BCAS3: variants seen among roughly 807,000 people sequenced by gnomAD.
BCAS3 encodes the protein BCAS4/BCAS3 fusion.
A neutral mutation model predicts 116.1 loss-of-function variants in BCAS3; 53 were observed. The ratio of observed to expected loss-of-function variants is 0.46; its 90% CI spans 0.37 to 0.57. BCAS3 has a LOEUF of 0.57. Ranked by LOEUF, BCAS3 falls within the 20% of genes least tolerant of loss-of-function variation. The pLI, the probability that BCAS3 is intolerant of heterozygous loss-of-function variation, is 0.00. For missense variants in BCAS3, 917 were observed against 1,165.4 expected (o/e 0.79, Z 3.10); for synonymous variants, 391 against 408.2 (o/e 0.96, Z 0.51).
rs967566954 is a variant in BCAS3 at position 61,324,225 on chromosome 17, A to G, written c.2426-44102A>G. ...TGCTAAGCACTCGAGAAATGTTTCA[A>G]TCAGTGAGTGAATTAGAGGCGGGAG... On this transcript the variant is annotated intron_variant, in intron 22 of 23. Transcript: ENST00000407086. This position sits in a 1 kb window ranked among gnomAD's most constrained non-coding sequence, Gnocchi z 4.6. Among the ~76,000 whole-genome samples the G allele has an allele frequency of 1.3e-5, 2 of 152,206 alleles. No individual in the cohort carries two copies. Among genetic ancestry groups the G allele is most frequent in the Non-Finnish European group, 2.9e-5 (2 of 68,028 alleles).
At chr17:60,925,489 A>G (rs893694431) in intron 13 of BCAS3, among the ~76,000 whole-genome samples, 15 of 152,222 alleles carry the variant, frequency 9.9e-5, no homozygotes, top group Non-Finnish European at 8.8e-5. Context: ...ATGGAGATTA[A>G]CAAGTACTCT....
chr17:61,272,971 T>C (rs921493335), intron 22 of BCAS3, among the ~76,000 whole-genome samples: 1 of 152,184 alleles, frequency 6.6e-6, no homozygotes, highest in Non-Finnish European at 1.5e-5. Context: ...CTTACTTCCT[T>C]GCCTTGGTAA....
At chr17:60,719,049 G>A (rs530812038) in intron 5 of BCAS3, among the ~76,000 whole-genome samples, 3 of 152,156 alleles carry the variant, frequency 2.0e-5, no homozygotes, top group Non-Finnish European at 2.9e-5. Context: ...GCGACAGAGC[G>A]AGGCTCTGTC....
rs940323542 is a variant in BCAS3 at position 61,136,448 on chromosome 17, A to G, written c.2425+51884A>G. On this transcript the variant is annotated intron_variant, in intron 22 of 23. Transcript: ENST00000407086. The surrounding 1 kb of genome is among the most constrained non-coding windows in gnomAD (Gnocchi z 4.4). ...TTCTTTGTGTGCAGCTGTTTTATGC[A>G]TCATATAGGATGTTTAGCAGAACCC... 6.6e-6 allele frequency among the ~76,000 whole-genome samples: 1 copy of G among 152,200 alleles called. No homozygotes were observed. Among genetic ancestry groups the G allele is most frequent in the Non-Finnish European group, 1.5e-5 (1 of 68,046 alleles).
At chr17:61,319,124 T>TA in intron 22 of BCAS3, among the ~76,000 whole-genome samples, 1 of 152,318 alleles carries the variant, frequency 6.6e-6, no homozygotes, top group East Asian at 1.9e-4. Context: ...AATGCACAGT[T>TA]ACTCGCAACT....
intron 3 of BCAS3, among the ~76,000 whole-genome samples, chr17:60,685,600 G>A (rs988291340): frequency 5.3e-5 from 8 of 151,772 alleles, no homozygotes; most frequent in Non-Finnish European, 7.4e-5. Flanking sequence ...CATCTTATTC[G>A]TCATGGGTTT....
In BCAS3 at chr17:61,193,839, G is replaced by A. The variant is rs567035901; in HGVS notation, c.2425+109275G>A. 9.4e-5 allele frequency among the ~76,000 whole-genome samples: 14 copies of A among 149,000 alleles called. No individual in the cohort carries two copies. In the East Asian group the frequency reaches 1.8e-3, roughly 20 times the overall value. ...TCTGCTTATAAAAAAAGTACAAGCC[G>A]GGCGTGGTGGCTCACACCTGTAATC... On this transcript the variant is annotated intron_variant, in intron 22 of 23. Transcript: ENST00000407086.
At chr17:61,060,632 A>G (rs1277011858) in intron 19 of BCAS3, among the ~76,000 whole-genome samples, 1 of 152,222 alleles carries the variant, frequency 6.6e-6, no homozygotes, top group Non-Finnish European at 1.5e-5. Flanking sequence ...TGGTTGTTCA[A>G]TCTTTTGAAA....
At chr17:61,242,981 G>A (rs1035759150) in intron 22 of BCAS3, among the ~76,000 whole-genome samples, 7 of 151,090 alleles carry the variant, frequency 4.6e-5, no homozygotes, top group African/African-American at 9.7e-5. Context: ...GTGCGATCTC[G>A]GCTCACTGCA....
At position 61,362,390 on chromosome 17, in the gene BCAS3, G is replaced by A. The variant is rs959111784; in HGVS notation, c.2426-5937G>A. ...CTGGTGGTTAGAAATCTGATCAGCAGGCTCTCAGCAAAATCCAAACCTGGG... is the reference window on the plus strand; with the variant it reads ...CTGGTGGTTAGAAATCTGATCAGCAAGCTCTCAGCAAAATCCAAACCTGGG... On this transcript the variant is annotated intron_variant, in intron 22 of 23. Transcript: ENST00000407086. The surrounding 1 kb of genome is among the most constrained non-coding windows in gnomAD (Gnocchi z 4.4). 6.6e-6 allele frequency among the ~76,000 whole-genome samples: 1 copy of A among 152,192 alleles called. No homozygotes were observed. The highest frequency in any genetic ancestry group is 1.5e-5 in the Non-Finnish European group (1 of 68,038).
intron 16 of BCAS3, 85 bp downstream of exon 16, chr17:61,015,986 G>T: frequency 7.3e-7 from 1 of 1,378,428 alleles, no homozygotes; most frequent in Non-Finnish European, 1.0e-6. Context: ...TCTTTGTGTG[G>T]TTTTTATTAT....
chr17:61,076,900 T>C (rs1460217126), intron 20 of BCAS3, among the ~76,000 whole-genome samples: 1 of 152,234 alleles, frequency 6.6e-6, no homozygotes, highest in Non-Finnish European at 1.5e-5. Context: ...AAGACCATGA[T>C]GCTTTTGCCC....
chr17:60,998,490 C>T (rs1046748863), intron 15 of BCAS3, among the ~76,000 whole-genome samples: 5 of 152,212 alleles, frequency 3.3e-5, no homozygotes, highest in African/African-American at 9.6e-5. Context: ...TCTATTTTCT[C>T]TGCAGCCTCA....
At chr17:61,293,230 T>TC (rs1216745709) in intron 22 of BCAS3, among the ~76,000 whole-genome samples, 2 of 152,006 alleles carry the variant, frequency 1.3e-5, no homozygotes, top group African/African-American at 4.8e-5. Context: ...GGAGGGAAAA[T>TC]TAAAGGGTAG....
At chr17:61,301,439 C>T (rs1238907740) in intron 22 of BCAS3, among the ~76,000 whole-genome samples, 11 of 152,078 alleles carry the variant, frequency 7.2e-5, no homozygotes, top group Non-Finnish European at 1.2e-4. Context: ...CGAGACCAGC[C>T]GGGCCAACAT....
At chr17:60,780,714 A>G (rs2045751394) in intron 6 of BCAS3, among the ~76,000 whole-genome samples, 1 of 152,196 alleles carries the variant, frequency 6.6e-6, no homozygotes, top group Admixed American at 6.5e-5. Flanking sequence ...TGTTTGGAAA[A>G]TAGTTGTATC....
In BCAS3 at chr17:61,128,589, A is replaced by G. The variant is rs1465307115; in HGVS notation, c.2425+44025A>G. 1.0e-6 allele frequency: 1 copy of G among 985,250 alleles called. No homozygotes were observed. Among genetic ancestry groups the G allele is most frequent in the East Asian group, 1.1e-4 (1 of 8,822 alleles). 61.0% of individuals were successfully genotyped at this position (985,250 alleles called of 1,614,324 possible). On this transcript the variant is annotated intron_variant, in intron 22 of 23. Coordinates refer to ENST00000407086, the MANE Select transcript of BCAS3 (RefSeq NM_017679.5). The surrounding 1 kb of genome is among the most constrained non-coding windows in gnomAD (Gnocchi z 4.1). ...AATCCCCAGCACTTATAAAATAAAA[A>G]AAGTATGGAGAGAGAGAAAGCAAGT...
intron 22 of BCAS3, among the ~76,000 whole-genome samples, chr17:61,271,183 A>G (rs577536543): frequency 1.5e-5 from 2 of 136,110 alleles, no homozygotes; most frequent in East Asian, 2.1e-4. Context: ...GCTGGAGTAC[A>G]GTGGCACCAT....
chr17:61,044,910 C>T (rs774344566), intron 19 of BCAS3, among the ~76,000 whole-genome samples: 4 of 151,584 alleles, frequency 2.6e-5, no homozygotes, highest in African/African-American at 4.8e-5. Flanking sequence ...TACAGGCACA[C>T]GCCACCACAC....
Sources: gnomAD v4.1 joint callset for allele counts (sites outside exome capture counted in the v4.1 genomes callset) on GRCh38, gnomAD v4.1.1 for gene constraint, Gnocchi (gnomAD v3.1) non-coding constraint, MANE v1.5 for transcripts, NCBI Gene and HGNC (gene_info 2026-07-23, HGNC 2026-07-21) for gene names.